The following PTPRD variants were observed in gnomAD, a reference collection of about 807,000 sequenced individuals.
The protein encoded by PTPRD is protein tyrosine phosphatase receptor type D.
Under a neutral mutation model 214.5 loss-of-function variants are expected in PTPRD, and 34 were observed. The ratio of observed to expected loss-of-function variants is 0.16; its 90% CI spans 0.12 to 0.21. The LOEUF is 0.21. Ranked by LOEUF, PTPRD falls within the 10% of genes least tolerant of loss-of-function variation. The pLI, the probability that PTPRD is intolerant of heterozygous loss-of-function variation, is 1.00. For missense variants in PTPRD, 2,545 were observed against 2,398.7 expected (o/e 1.06, Z -1.27); for synonymous variants, 1,128 against 845.7 (o/e 1.33, Z -5.79).
At chr9:8,902,568 T>C (rs557780936) in intron 11 of PTPRD, among the ~76,000 whole-genome samples, 1 of 152,036 alleles carries the variant, frequency 6.6e-6, no homozygotes, top group East Asian at 1.9e-4. Flanking sequence ...TGGTGTTGAA[T>C]TCCTCATCTC....
intron 10 of PTPRD, among the ~76,000 whole-genome samples, chr9:9,140,218 A>G (rs1188141576): frequency 6.6e-6 from 1 of 152,024 alleles, no homozygotes; most frequent in African/African-American, 2.4e-5. Context: ...AGAAAAAGAA[A>G]AAAAAGAAAA....
At chr9:9,532,861 T>A (rs2075779399) in intron 8 of PTPRD, among the ~76,000 whole-genome samples, 1 of 152,182 alleles carries the variant, frequency 6.6e-6, no homozygotes, top group African/African-American at 2.4e-5. Flanking sequence ...ACAGTTTATA[T>A]GACTGGTTGC....
intron 5 of PTPRD, among the ~76,000 whole-genome samples, chr9:9,789,669 C>T (rs543581456): frequency 1.3e-5 from 2 of 151,380 alleles, no homozygotes; most frequent in Non-Finnish European, 2.9e-5. Flanking sequence ...TGGTGGTGGG[C>T]GCCTGTAGTC....
At chr9:9,391,800 C>A (rs2065925601) in intron 9 of PTPRD, among the ~76,000 whole-genome samples, 1 of 152,122 alleles carries the variant, frequency 6.6e-6, no homozygotes, top group African/African-American at 2.4e-5. Flanking sequence ...CACTGTATTT[C>A]TATTCTGTGT....
intron 9 of PTPRD, among the ~76,000 whole-genome samples, chr9:9,293,236 T>C (rs1312749581): frequency 1.3e-5 from 2 of 151,656 alleles, no homozygotes; most frequent in Non-Finnish European, 3.0e-5. Flanking sequence ...ATCATTAACA[T>C]ATGTCAGTAT....
chr9:9,650,838 C>T (rs956597366), intron 7 of PTPRD, among the ~76,000 whole-genome samples: 2 of 151,638 alleles, frequency 1.3e-5, no homozygotes, highest in Admixed American at 6.6e-5. Flanking sequence ...ATTTGTACAC[C>T]TATTTATCAG....
intron 18 of PTPRD, among the ~76,000 whole-genome samples, chr9:8,524,339 T>C (rs745989137): frequency 6.6e-6 from 1 of 152,216 alleles, no homozygotes; most frequent in Non-Finnish European, 1.5e-5. Flanking sequence ...AAGGTGTACA[T>C]ATGTGCACAT....
At chr9:10,496,634 G>A (rs578180752) in intron 2 of PTPRD, among the ~76,000 whole-genome samples, 144 of 151,764 alleles carry the variant, frequency 9.5e-4, no homozygotes, top group African/African-American at 3.1e-3. Flanking sequence ...TTTGACTTTT[G>A]AATAATAGCC....
intron 11 of PTPRD, among the ~76,000 whole-genome samples, chr9:9,010,961 A>G (rs1174252685): frequency 6.6e-6 from 1 of 152,170 alleles, no homozygotes; most frequent in Non-Finnish European, 1.5e-5. Context: ...TTAAATTTTA[A>G]TGATTAATAT....
At chr9:8,484,512 G>T in intron 29 of PTPRD, 134 bp from the exon 30 acceptor site, 1 of 861,366 alleles carries the variant, frequency 1.2e-6, no homozygotes, top group Non-Finnish European at 1.7e-6. Context: ...CTAAGTCCAT[G>T]AGTAGTCATA....
At chr9:9,937,296 AT>A (rs1315799555) in intron 5 of PTPRD, among the ~76,000 whole-genome samples, 1 of 151,572 alleles carries the variant, frequency 6.6e-6, no homozygotes, top group East Asian at 1.9e-4. Flanking sequence ...TTTTTTCTCT[AT>A]ATACACATAA....
chr9:8,497,530 G>T (rs1464222372), intron 25 of PTPRD, among the ~76,000 whole-genome samples: 1 of 152,060 alleles, frequency 6.6e-6, no homozygotes, highest in Non-Finnish European at 1.5e-5. Context: ...TAGCAATGAG[G>T]CACAGAAAAA....
chr9:9,979,925 T>C (rs1275853948), intron 4 of PTPRD, among the ~76,000 whole-genome samples: 2 of 151,996 alleles, frequency 1.3e-5, no homozygotes, highest in South Asian at 2.1e-4. Flanking sequence ...CTTGAAAAAA[T>C]CCAGTTATGA....
intron 4 of PTPRD, among the ~76,000 whole-genome samples, chr9:10,018,239 A>C (rs1471733541): frequency 2.0e-5 from 3 of 152,046 alleles, no homozygotes; most frequent in Non-Finnish European, 2.9e-5. Context: ...ACAAAAGAAA[A>C]GGAAAGGAAA....
At chr9:8,942,416 T>C (rs1176685647) in intron 11 of PTPRD, among the ~76,000 whole-genome samples, 1 of 152,128 alleles carries the variant, frequency 6.6e-6, no homozygotes, top group Non-Finnish European at 1.5e-5. Context: ...GCCATTACAA[T>C]TAGATCTGGT....
intron 3 of PTPRD, among the ~76,000 whole-genome samples, chr9:10,227,744 G>T (rs1360081950): frequency 6.6e-6 from 1 of 151,986 alleles, no homozygotes; most frequent in Non-Finnish European, 1.5e-5. Context: ...TGTATCATCT[G>T]TGTTTATCAG....
rs909528591 is a variant in PTPRD, at chr9:9,260,567, A to AT, written c.-202-77205dup. On this transcript the variant is annotated intron_variant, in intron 9 of 45. Transcript: ENST00000381196. Reference sequence around the variant, plus strand: ...TTTTTCATTCCCTCTCAATTTTCTCATTTTCTAATTTGCATTTGAAAGAGT... The same window carrying AT: ...TTTTTCATTCCCTCTCAATTTTCTCATTTTTCTAATTTGCATTTGAAAGAGT... Among the ~76,000 whole-genome samples the AT allele has an allele frequency of 3.3e-5, 5 of 151,238 alleles. No individual in the cohort carries two copies. In the East Asian group the frequency reaches 9.8e-4, roughly 30 times the overall value.
chr9:8,950,219 T>G (rs151218330), intron 11 of PTPRD, among the ~76,000 whole-genome samples: 1 of 152,262 alleles, frequency 6.6e-6, no homozygotes, highest in East Asian at 1.9e-4. Flanking sequence ...ACCTACTAAG[T>G]ATCTCTACCT....
At chr9:8,577,994 T>G (rs909093660) in intron 14 of PTPRD, among the ~76,000 whole-genome samples, 8 of 152,180 alleles carry the variant, frequency 5.3e-5, no homozygotes, top group African/African-American at 1.4e-4. Flanking sequence ...TTCCTTTCAT[T>G]CTTCTGAATA....
Sources: allele counts gnomAD v4.1 joint callset (sites outside exome capture counted in the v4.1 genomes callset), GRCh38; gene constraint gnomAD v4.1.1; transcripts MANE v1.5; gene names NCBI Gene and HGNC (gene_info 2026-07-23, HGNC 2026-07-21).